Variants in RNF14 observed in about 807,000 individuals in gnomAD.
RNF14 encodes E3 ubiquitin-protein ligase RNF14.
RNF14 carries 26 observed loss-of-function variants against 52.6 expected under a neutral mutation model. That is an observed-to-expected ratio of 0.49 (90% CI 0.36 to 0.69). RNF14 has a LOEUF of 0.69. Ranked by LOEUF, RNF14 falls within the 30% of genes least tolerant of loss-of-function variation. RNF14 has a pLI of 0.00. For synonymous variants in RNF14, 194 were observed against 202.0 expected (o/e 0.96, Z 0.34); for missense variants, 404 against 560.4 (o/e 0.72, Z 2.82).
At chr5:141,962,581 A>G (rs79393384), upstream of RNF14, among the ~76,000 whole-genome samples, 497 of 152,336 alleles carry the variant, frequency 3.3e-3, 2 homozygotes, top group African/African-American at 0.011. Flanking sequence ...GATTTCTGCA[A>G]TCTGAGAAAA....
At chr5:141,983,238 T>G in intron 6 of RNF14, 142 bp from the exon 7 acceptor site, 1 of 645,334 alleles carries the variant, frequency 1.5e-6, no homozygotes, top group Non-Finnish European at 2.6e-6. Context: ...TGCATCTCCA[T>G]GCATATGACT....
rs555626639 is a variant in RNF14 at position 141,972,448 on chromosome 5, A to G, written c.-6-1135A>G. Among the ~76,000 whole-genome samples the G allele has an allele frequency of 3.7e-4, 56 of 152,204 alleles. 1 individual carries two copies. The highest frequency in any genetic ancestry group is 6.8e-3 in the Middle Eastern group (2 of 294). On this transcript the variant is annotated intron_variant, in intron 2 of 8. Coordinates refer to ENST00000394520, the MANE Select transcript of RNF14 (RefSeq NM_004290.5). ...GGGTGGAAGCGGGCCACTATTGGGT[A>G]TCTAGTGGGTAAAAGCCAGGGGATG...
At chr5:141,969,892 C>T (rs910535617) in intron 1 of RNF14, among the ~76,000 whole-genome samples, 2 of 152,192 alleles carry the variant, frequency 1.3e-5, no homozygotes, top group African/African-American at 4.8e-5. Flanking sequence ...TCTCTCATCC[C>T]ATTTGCAAAT....
upstream of RNF14, among the ~76,000 whole-genome samples, chr5:141,968,497 A>G (rs527663359): frequency 8.5e-5 from 13 of 152,308 alleles, no homozygotes; most frequent in African/African-American, 2.4e-4. Flanking sequence ...GAAGTGTATA[A>G]TTTTAATTCC....
chr5:141,987,789 AGTT>A lies in RNF14; in HGVS notation c.1425_*2del. On this transcript the variant is annotated stop_retained_variant and 3_prime_UTR_variant, in exon 9 of 9. Transcript: ENST00000394520. ...ATTTGGGAAGATGAGGTAGAAGACT[AGTT>A]AACTACTGCTCAAGATATGGAAGTG... 6.2e-7 allele frequency: 1 copy of A among 1,612,992 alleles called. No homozygotes were observed. Among genetic ancestry groups the A allele is most frequent in the Non-Finnish European group, 8.5e-7 (1 of 1,179,654 alleles).
rs1485365731 is a variant in RNF14 at position 141,988,615 on chromosome 5, G to A, written c.*825G>A. The A allele has an allele frequency of 6.6e-6, 1 of 152,134 alleles. No homozygotes were observed. Among genetic ancestry groups the A allele is most frequent in the Non-Finnish European group, 1.5e-5 (1 of 68,016 alleles). The allele number at this position is 152,134 out of a possible 1,614,324, so 9.4% of individuals were successfully genotyped here. On this transcript the variant is annotated 3_prime_UTR_variant, in exon 9 of 9. Coordinates refer to ENST00000394520, the MANE Select transcript of RNF14 (RefSeq NM_004290.5). ...TCTCTTTACCTTTGCCCTACCTTCT[G>A]TTTGTAAGGATGATTTTAATATTAA...
chr5:141,957,322 C>A, upstream of RNF14: 1 of 1,613,246 alleles, frequency 6.2e-7, no homozygotes, highest in Non-Finnish European at 8.5e-7. The surrounding 1 kb of genome is among the most constrained non-coding windows in gnomAD (Gnocchi z 4.3). Flanking sequence ...AAAGTGCTCA[C>A]TGGGAGACAG....
At chr5:141,973,969 A>G (rs947631571) in intron 3 of RNF14, among the ~76,000 whole-genome samples, 11 of 152,232 alleles carry the variant, frequency 7.2e-5, no homozygotes, top group African/African-American at 2.7e-4. Context: ...TATTTCATAC[A>G]TCCTGGTCTG....
At chr5:141,975,745 C>T (rs764653440) in intron 4 of RNF14, among the ~76,000 whole-genome samples, 22 of 152,008 alleles carry the variant, frequency 1.4e-4, no homozygotes, top group Non-Finnish European at 2.8e-4. Flanking sequence ...TGCAACATGG[C>T]GAAACCCAAT....
At chr5:141,955,320 G>A (rs747688840), upstream of RNF14, 2 of 1,614,204 alleles carry the variant, frequency 1.2e-6, no homozygotes, top group Non-Finnish European at 1.7e-6. The surrounding 1 kb of genome is among the most constrained non-coding windows in gnomAD (Gnocchi z 5.5). Context: ...GGTTGACCGT[G>A]TCTTGCAGCA....
chr5:141,965,413 C>T (rs921881302), upstream of RNF14, among the ~76,000 whole-genome samples: 4 of 152,310 alleles, frequency 2.6e-5, no homozygotes, highest in East Asian at 3.9e-4. Context: ...CGTCATCATC[C>T]GGTGTCCCTG....
chr5:141,957,945 C>G, upstream of RNF14: 3 of 1,420,968 alleles, frequency 2.1e-6, no homozygotes, highest in Non-Finnish European at 2.8e-6. This position sits in a 1 kb window ranked among gnomAD's most constrained non-coding sequence, Gnocchi z 4.3. Context: ...TGATCAGCCC[C>G]GTGCTCCTTC....
At chr5:141,984,995 C>G in intron 8 of RNF14, 62 bp downstream of exon 8, 4 of 1,427,138 alleles carry the variant, frequency 2.8e-6, no homozygotes, top group Admixed American at 1.8e-5. Flanking sequence ...TTGCAGACCA[C>G]AAATCCAGTG....
chr5:141,973,873 GT>G (rs1403502841), intron 3 of RNF14, 131 bp downstream of exon 3: 1 of 753,456 alleles, frequency 1.3e-6, no homozygotes, highest in Non-Finnish European at 2.0e-6. Context: ...GCATGTTTCT[GT>G]TTTAAATGAA....
intron 3 of RNF14, 55 bp downstream of exon 3, chr5:141,973,797 A>T (rs1378789274): frequency 7.1e-7 from 1 of 1,415,342 alleles, no homozygotes; most frequent in Non-Finnish European, 9.6e-7. Flanking sequence ...TTCTTAGTGT[A>T]CCTTAAACTA....
chr5:141,955,759 C>A (rs1477546027), upstream of RNF14: 1 of 1,613,890 alleles, frequency 6.2e-7, no homozygotes, highest in Non-Finnish European at 8.5e-7. The surrounding 1 kb of genome is among the most constrained non-coding windows in gnomAD (Gnocchi z 5.5). Flanking sequence ...GTGGTCCACA[C>A]TGGTGACAAA....
At chr5:141,960,060 T>C (rs766150111) in intron 1 of RNF14, among the ~76,000 whole-genome samples, 24 of 152,212 alleles carry the variant, frequency 1.6e-4, no homozygotes, top group Non-Finnish European at 2.8e-4. Context: ...TTTGCCTCTT[T>C]GGCAGGAATC....
At chr5:141,955,356 C>T (rs2434322), upstream of RNF14, 183,512 of 1,614,008 alleles carry the variant, frequency 0.11, 11,418 homozygotes, top group East Asian at 0.23. The surrounding 1 kb of genome is among the most constrained non-coding windows in gnomAD (Gnocchi z 5.5). Context: ...CCGGTGCTCC[C>T]TGGTTGCCTT....
intron 8 of RNF14, among the ~76,000 whole-genome samples, chr5:141,985,743 CG>C (rs1755179592): frequency 6.6e-6 from 1 of 152,042 alleles, no homozygotes; most frequent in Non-Finnish European, 1.5e-5. Context: ...TTAGTAGAGA[CG>C]GGGTTTCACC....
Sources: allele counts gnomAD v4.1 joint callset (sites outside exome capture counted in the v4.1 genomes callset), GRCh38; gene constraint gnomAD v4.1.1; non-coding constraint Gnocchi (gnomAD v3.1); transcripts MANE v1.5; gene names NCBI Gene and HGNC (gene_info 2026-07-23, HGNC 2026-07-21).